ZFAT: variants seen among roughly 807,000 people sequenced by gnomAD.
ZFAT encodes zinc finger and AT-hook domain containing.
A neutral mutation model predicts 117.7 loss-of-function variants in ZFAT; 64 were observed. The observed-to-expected ratio is 0.54, with a 90% CI of 0.44 to 0.67. ZFAT has a LOEUF of 0.67. ZFAT is among the 30% of genes least tolerant of loss of function. The pLI is 0.00. For synonymous variants in ZFAT, 679 were observed against 615.0 expected (o/e 1.10, Z -1.54); for missense variants, 1,433 against 1,584.5 (o/e 0.90, Z 1.62).
At chr8:134,807,081 G>A in the ZFAT span, among the ~76,000 whole-genome samples, 1 of 152,174 alleles carries the variant, frequency 6.6e-6, no homozygotes, top group South Asian at 2.1e-4. Flanking sequence ...ACAATCTGCT[G>A]TACAGACAAA....
intron 15 of ZFAT, among the ~76,000 whole-genome samples, chr8:134,491,703 C>T (rs1818069363): frequency 6.6e-6 from 1 of 152,202 alleles, no homozygotes; most frequent in African/African-American, 2.4e-5. Context: ...GGTTCTGACC[C>T]TACTGCCTTC....
the ZFAT span, among the ~76,000 whole-genome samples, chr8:134,741,984 C>G: frequency 6.6e-6 from 1 of 152,110 alleles, no homozygotes; most frequent in African/African-American, 2.4e-5. Context: ...TCCCCAGCCC[C>G]ACTCCTGAGA....
At chr8:134,661,661 T>C (rs111646200) in intron 1 of ZFAT, among the ~76,000 whole-genome samples, 4 of 152,024 alleles carry the variant, frequency 2.6e-5, no homozygotes, top group African/African-American at 9.7e-5. Context: ...TGTCCAGGGA[T>C]GAGAGCAGAG....
chr8:134,486,932 G>T lies in ZFAT; in HGVS notation c.3493-8211C>A, dbSNP rs78693047. Among the ~76,000 whole-genome samples, 3 of 152,170 alleles carry T rather than the reference G, an allele frequency of 2.0e-5. No individual in the cohort carries two copies. In the East Asian group the frequency reaches 5.8e-4, roughly 29 times the overall value. On this transcript the variant is annotated intron_variant, in intron 15 of 15. Coordinates refer to ENST00000377838, the MANE Select transcript of ZFAT (RefSeq NM_020863.4). ...TGTGCAGGAACATGGGTGTGCATGT[G>T]TGTATATGTGTGTTCATGTGTATAT...
intron 9 of ZFAT, among the ~76,000 whole-genome samples, chr8:134,584,762 T>C (rs1184609480): frequency 6.6e-6 from 1 of 150,478 alleles, no homozygotes; most frequent in African/African-American, 2.4e-5. Flanking sequence ...TATTGTGTGA[T>C]GTGCTATAGG....
intron 1 of ZFAT, among the ~76,000 whole-genome samples, chr8:134,709,945 T>A (rs1440486805): frequency 2.6e-5 from 4 of 152,210 alleles, no homozygotes; most frequent in Non-Finnish European, 4.4e-5. Context: ...CTCCTTATCA[T>A]TCATTGTACT....
chr8:134,486,399 C>T (rs1229173035), intron 15 of ZFAT, among the ~76,000 whole-genome samples: 2 of 152,124 alleles, frequency 1.3e-5, no homozygotes, highest in African/African-American at 4.8e-5. Context: ...CCGTCGCCAC[C>T]ACCACCAAGA....
At chr8:134,815,173 A>G in the ZFAT span, among the ~76,000 whole-genome samples, 1 of 152,222 alleles carries the variant, frequency 6.6e-6, no homozygotes, top group Non-Finnish European at 1.5e-5. Flanking sequence ...CCAGAGTTGT[A>G]CTTTTTACTG....
Position 134,506,210 on chromosome 8 carries a change from G to A in ZFAT, c.3492+3409C>T, listed in dbSNP as rs139482791. Reference sequence around the variant, plus strand: ...AATTTCCTCCTCATAAAACCTTAACGCAAGATTTAACAACACTAACAAAAG... The same window carrying A: ...AATTTCCTCCTCATAAAACCTTAACACAAGATTTAACAACACTAACAAAAG... On this transcript the variant is annotated intron_variant, in intron 15 of 15. Transcript: ENST00000377838. Among the ~76,000 whole-genome samples, 29 of 152,112 alleles carry A rather than the reference G, an allele frequency of 1.9e-4. No individual in the cohort carries two copies. The East Asian group carries it at 5.4e-3, about 28-fold the overall frequency.
At chr8:134,689,586 G>C (rs1336592393) in intron 1 of ZFAT, among the ~76,000 whole-genome samples, 1 of 152,260 alleles carries the variant, frequency 6.6e-6, no homozygotes, top group Non-Finnish European at 1.5e-5. Flanking sequence ...ATAGAGAGCA[G>C]AGGGAGCCAT....
chr8:134,650,363 T>G (rs1252203097), intron 2 of ZFAT, among the ~76,000 whole-genome samples: 1 of 152,032 alleles, frequency 6.6e-6, no homozygotes, highest in Non-Finnish European at 1.5e-5. Flanking sequence ...CCTGACCTCA[T>G]GATCCGCCCA....
Position 134,600,159 on chromosome 8 carries a change from A to C in ZFAT, c.2475+277T>G, listed in dbSNP as rs558611360. 1.2e-4 allele frequency: 57 copies of C among 486,538 alleles called. 1 individual carries two copies. The South Asian group carries it at 1.3e-3, about 11-fold the overall frequency. 30.1% of individuals were successfully genotyped at this position (486,538 alleles called of 1,614,324 possible). A position where few individuals can be genotyped will look rare whatever the true frequency, so the allele number is the denominator to read the frequency against. On this transcript the variant is annotated intron_variant, in intron 7 of 15. Transcript: ENST00000377838. ...TTTGAGAAATTCTGACTTTACTTCT[A>C]CTCTATAGATATCTCTTCTGTAGAC...
At chr8:134,569,235 A>G (rs1824700249) in intron 10 of ZFAT, among the ~76,000 whole-genome samples, 2 of 152,160 alleles carry the variant, frequency 1.3e-5, no homozygotes, top group African/African-American at 4.8e-5. Flanking sequence ...CAAGACTCTG[A>G]GTACTTGCCA....
At chr8:134,754,735 T>C in the ZFAT span, among the ~76,000 whole-genome samples, 2 of 152,220 alleles carry the variant, frequency 1.3e-5, no homozygotes, top group Non-Finnish European at 1.5e-5. Flanking sequence ...CCATGGGCTC[T>C]GAATAGGCCC....
At chr8:134,749,312 C>T in the ZFAT span, among the ~76,000 whole-genome samples, 249 of 152,286 alleles carry the variant, frequency 1.6e-3, 1 homozygote, top group African/African-American at 5.8e-3. Context: ...TGCAACAATA[C>T]ATCTTAGACT....
At chr8:134,542,790 T>G (rs1186355053) in intron 11 of ZFAT, among the ~76,000 whole-genome samples, 2 of 152,100 alleles carry the variant, frequency 1.3e-5, no homozygotes, top group Admixed American at 1.3e-4. Context: ...AAGGAGAGCA[T>G]GTACCAAGCC....
At chr8:134,813,834 ACACACG>A in the ZFAT span, among the ~76,000 whole-genome samples, 271 of 145,920 alleles carry the variant, frequency 1.9e-3, no homozygotes, top group African/African-American at 6.4e-3. Flanking sequence ...ACACACACAC[ACACACG>A]TCAAAGATAC....
chr8:134,479,056 G>A (rs904764417), intron 15 of ZFAT, among the ~76,000 whole-genome samples: 35 of 152,206 alleles, frequency 2.3e-4, no homozygotes, highest in Non-Finnish European at 4.3e-4. Flanking sequence ...AGGGCTGGAA[G>A]GCATGGTGGG....
At chr8:134,626,441 A>G (rs1419540175) in intron 3 of ZFAT, among the ~76,000 whole-genome samples, 1 of 152,214 alleles carries the variant, frequency 6.6e-6, no homozygotes, top group Non-Finnish European at 1.5e-5. Flanking sequence ...CTTCATCTAA[A>G]AAAGAGAATG....
Sources: allele counts gnomAD v4.1 joint callset (sites outside exome capture counted in the v4.1 genomes callset), GRCh38; gene constraint gnomAD v4.1.1; transcripts MANE v1.5; gene names NCBI Gene and HGNC (gene_info 2026-07-23, HGNC 2026-07-21).